NELL2: variants seen among roughly 807,000 people sequenced by gnomAD.
NELL2 encodes the protein protein kinase C-binding protein NELL2.
NELL2 carries 41 observed loss-of-function variants against 109.6 expected under a neutral mutation model. The observed-to-expected ratio is 0.37, with a 90% CI of 0.29 to 0.49. The LOEUF is 0.49. Ranked by LOEUF, NELL2 falls within the 20% of genes least tolerant of loss-of-function variation. The pLI is 0.98. For synonymous variants in NELL2, 355 were observed against 344.7 expected (o/e 1.03, Z -0.33); for missense variants, 900 against 1,008.3 (o/e 0.89, Z 1.45).
rs564371160 is a variant in NELL2, at chr12:44,558,708, G to A, written c.1664-25987C>T. Among the ~76,000 whole-genome samples, 3 of 152,282 alleles carry A rather than the reference G, an allele frequency of 2.0e-5. 1 individual carries two copies. Among genetic ancestry groups the A allele is most frequent in the Non-Finnish European group, 4.4e-5 (3 of 68,022 alleles). On this transcript the variant is annotated intron_variant, in intron 15 of 19. Transcript: ENST00000429094. ...ACCAGGAGATTCCTCAGGTGCCTAT[G>A]ACACAAGGGCCCTGGGTTTCAAGCG...
At chr12:44,849,181 T>C (rs1206149327) in intron 2 of NELL2, among the ~76,000 whole-genome samples, 1 of 152,004 alleles carries the variant, frequency 6.6e-6, no homozygotes, top group Non-Finnish European at 1.5e-5. Context: ...AAACAAAAAA[T>C]AATGATAACT....
rs764881406 is a variant in NELL2, at chr12:44,661,694, C to CA, written c.1444+3789dup. On this transcript the variant is annotated intron_variant, in intron 13 of 19. Transcript: ENST00000429094. ...TTAATTAATGCTTACGTGAGTGAAC[C>CA]AAAAAAAGCCATTCGTCCATATAAG... 1.2e-4 allele frequency among the ~76,000 whole-genome samples: 18 copies of CA among 151,878 alleles called. No individual in the cohort carries two copies. In the Middle Eastern group the frequency reaches 0.02, roughly 172 times the overall value.
At chr12:44,542,120 A>C (rs151129365) in intron 15 of NELL2, among the ~76,000 whole-genome samples, 4 of 152,292 alleles carry the variant, frequency 2.6e-5, no homozygotes, top group African/African-American at 9.6e-5. Flanking sequence ...GCATTATTTA[A>C]AAATATTTTA....
At chr12:44,636,803 G>A (rs913611784) in intron 13 of NELL2, among the ~76,000 whole-genome samples, 1 of 152,140 alleles carries the variant, frequency 6.6e-6, no homozygotes, top group Non-Finnish European at 1.5e-5. Context: ...CTCATAAAAT[G>A]AGTTAGGGAG....
chr12:44,667,630 C>T (rs533097457), intron 12 of NELL2, among the ~76,000 whole-genome samples: 1 of 152,220 alleles, frequency 6.6e-6, no homozygotes, highest in East Asian at 1.9e-4. Context: ...CTCATCTCCT[C>T]GACAGACAAG....
intron 1 of NELL2, among the ~76,000 whole-genome samples, chr12:44,908,743 C>T (rs1945747698): frequency 6.6e-6 from 1 of 151,988 alleles, no homozygotes; most frequent in South Asian, 2.1e-4. Flanking sequence ...TGTGCTGTTA[C>T]AGACACAGCA....
rs555258293 is a variant in NELL2 at position 44,861,977 on chromosome 12, T to TA, written c.184+13247dup. ...CAAGAAACATAAAAAGCCAAGGAGA[T>TA]ATAACACCACCAAAAGTGCACAATA... On this transcript the variant is annotated intron_variant, in intron 2 of 19. Transcript: ENST00000429094. Among the ~76,000 whole-genome samples the TA allele has an allele frequency of 3.0e-3, 464 of 152,292 alleles. 3 individuals carry two copies. Among genetic ancestry groups the TA allele is most frequent in the African/African-American group, 0.011 (437 of 41,554 alleles).
At chr12:44,743,132 A>G (rs1258331879) in intron 9 of NELL2, among the ~76,000 whole-genome samples, 1 of 152,198 alleles carries the variant, frequency 6.6e-6, no homozygotes, top group Non-Finnish European at 1.5e-5. Flanking sequence ...CCAGAAGAGC[A>G]TGGGGACCAA....
intron 2 of NELL2, among the ~76,000 whole-genome samples, chr12:44,821,736 T>G (rs1321386850): frequency 6.6e-6 from 1 of 151,584 alleles, no homozygotes; most frequent in Non-Finnish European, 1.5e-5. Context: ...TTTTTTTTTT[T>G]AGACAGAGTC....
chr12:44,626,434 T>A (rs1283683091), intron 13 of NELL2, among the ~76,000 whole-genome samples: 2 of 152,206 alleles, frequency 1.3e-5, no homozygotes, highest in African/African-American at 4.8e-5. Flanking sequence ...AGAGGACACC[T>A]CCTTAGACAC....
intron 2 of NELL2, among the ~76,000 whole-genome samples, chr12:44,833,831 C>A (rs1389625561): frequency 6.6e-6 from 1 of 152,138 alleles, no homozygotes; most frequent in East Asian, 1.9e-4. Flanking sequence ...ATACTAATTA[C>A]CAGGTCGGTC....
chr12:44,872,838 T>C (rs1389546377), intron 2 of NELL2, among the ~76,000 whole-genome samples: 3 of 152,192 alleles, frequency 2.0e-5, no homozygotes, highest in Non-Finnish European at 2.9e-5. Flanking sequence ...CCGTACAAAA[T>C]ATCTGCAGCA....
At chr12:44,573,728 C>G (rs532979612) in intron 15 of NELL2, among the ~76,000 whole-genome samples, 11 of 152,286 alleles carry the variant, frequency 7.2e-5, no homozygotes, top group Admixed American at 4.6e-4. Flanking sequence ...ATATGGAGAA[C>G]AGGCAAAAAT....
intron 2 of NELL2, among the ~76,000 whole-genome samples, chr12:44,855,450 A>G (rs961787512): frequency 1.3e-5 from 2 of 152,192 alleles, no homozygotes; most frequent in African/African-American, 4.8e-5. Flanking sequence ...TCCTTCCAAA[A>G]TCTTAGAGAA....
intron 13 of NELL2, among the ~76,000 whole-genome samples, chr12:44,625,129 C>G (rs2136277376): frequency 6.6e-6 from 1 of 151,232 alleles, no homozygotes; most frequent in Admixed American, 6.6e-5. Flanking sequence ...AATATTTACT[C>G]TCTGTCACTA....
intron 1 of NELL2, among the ~76,000 whole-genome samples, chr12:44,887,779 G>C (rs140275405): frequency 1.3e-5 from 2 of 151,762 alleles, no homozygotes; most frequent in Non-Finnish European, 2.9e-5. Context: ...CCACTTTGTG[G>C]GTTGTCTCTT....
chr12:44,585,246 T>C (rs2136216429), intron 15 of NELL2, among the ~76,000 whole-genome samples: 1 of 152,254 alleles, frequency 6.6e-6, no homozygotes, highest in Admixed American at 6.5e-5. Flanking sequence ...AATATACATA[T>C]GAGGATTTGC....
chr12:44,874,643 A>G (rs1945261849), intron 2 of NELL2, among the ~76,000 whole-genome samples: 1 of 152,214 alleles, frequency 6.6e-6, no homozygotes, highest in Admixed American at 6.5e-5. Flanking sequence ...TCTTTCCAAA[A>G]TACTTTTGAG....
At chr12:44,629,254 T>C (rs531239249) in intron 13 of NELL2, among the ~76,000 whole-genome samples, 1 of 152,348 alleles carries the variant, frequency 6.6e-6, no homozygotes, top group African/African-American at 2.4e-5. Flanking sequence ...TAGGAGAGTT[T>C]AATGTTAGCT....
Sources: allele counts gnomAD v4.1 joint callset (sites outside exome capture counted in the v4.1 genomes callset), GRCh38; gene constraint gnomAD v4.1.1; transcripts MANE v1.5; gene names NCBI Gene and HGNC (gene_info 2026-07-23, HGNC 2026-07-21).